Variants in PIK3C2G observed in about 807,000 individuals in gnomAD.
PIK3C2G encodes the protein phosphatidylinositol-4-phosphate 3-kinase catalytic subunit type 2 gamma, also known as phosphatidylinositol 3-kinase C2 domain-containing subunit gamma.
Under a neutral mutation model 181.1 loss-of-function variants are expected in PIK3C2G, and 168 were observed. The ratio of observed to expected loss-of-function variants is 0.93; its 90% CI spans 0.82 to 1.05. The LOEUF (loss-of-function observed/expected upper bound fraction) is 1.05. Among genes scored for constraint, PIK3C2G ranks in the 50% least tolerant of loss-of-function variants. PIK3C2G has a pLI of 0.00. For synonymous variants in PIK3C2G, 573 were observed against 592.2 expected, an observed-to-expected ratio of 0.97 and a Z score of 0.47; for missense variants, 1,869 against 1,732.8, an observed-to-expected ratio of 1.08 and a Z score of -1.40.
At chr12:18,374,265 A>T (rs963525520) in intron 13 of PIK3C2G, among the ~76,000 whole-genome samples, 2 of 152,284 alleles carry the variant, frequency 1.3e-5, no homozygotes, top group East Asian at 3.9e-4. Flanking sequence ...TGTTTTTCAT[A>T]ATTTCAAAAA....
chr12:18,669,338 C>G, the PIK3C2G span, among the ~76,000 whole-genome samples: 1 of 152,176 alleles, frequency 6.6e-6, no homozygotes, highest in Non-Finnish European at 1.5e-5. Flanking sequence ...TACTATGTAG[C>G]AGGCACCACA....
chr12:18,273,454 G>A lies in PIK3C2G; in HGVS notation c.-78-8550G>A, dbSNP rs538280237. The stretch of plus-strand genomic sequence containing the variant: ...TGGCTTAGGATTGACTTGGCAATGC[G>A]GGCTCTTTTTTGGTTCCATATGAAC... On this transcript the variant is annotated intron_variant, in intron 1 of 32. Coordinates refer to ENST00000538779, the MANE Select transcript of PIK3C2G (RefSeq NM_001288772.2). Among the ~76,000 whole-genome samples, 359 of 152,084 alleles carry A rather than the reference G, an allele frequency of 2.4e-3. 1 individual carries two copies. The highest frequency in any genetic ancestry group is 8.1e-3 in the African/African-American group (338 of 41,490).
chr12:18,619,450 G>A (rs939693076), intron 31 of PIK3C2G, among the ~76,000 whole-genome samples: 5 of 152,042 alleles, frequency 3.3e-5, no homozygotes, highest in African/African-American at 7.2e-5. Context: ...TTCTTAAGAC[G>A]GAAGCTAAGG....
chr12:18,295,304 A>G (rs1333769963), intron 5 of PIK3C2G, among the ~76,000 whole-genome samples: 2 of 151,988 alleles, frequency 1.3e-5, no homozygotes, highest in Non-Finnish European at 2.9e-5. Context: ...ACAGGAAAGC[A>G]TTTTAGTAAA....
At chr12:18,529,314 C>T (rs1326680650) in intron 24 of PIK3C2G, among the ~76,000 whole-genome samples, 1 of 152,036 alleles carries the variant, frequency 6.6e-6, no homozygotes, top group Admixed American at 6.6e-5. Context: ...AGTGAAAAGG[C>T]AGGCAGAATT....
the PIK3C2G span, among the ~76,000 whole-genome samples, chr12:18,719,064 T>C: frequency 6.6e-6 from 1 of 152,214 alleles, no homozygotes; most frequent in Non-Finnish European, 1.5e-5. Flanking sequence ...TGAGAATTAA[T>C]TTTAACCATA....
At chr12:18,681,473 C>T in the PIK3C2G span, among the ~76,000 whole-genome samples, 1 of 152,006 alleles carries the variant, frequency 6.6e-6, no homozygotes, top group Non-Finnish European at 1.5e-5. Context: ...CATTCCCAAC[C>T]TATTCTAAAT....
At position 18,282,621 on chromosome 12, in the gene PIK3C2G, A is replaced by T; in HGVS notation, c.540A>T (p.Ser180=). The T allele has an allele frequency of 6.2e-7, 1 of 1,613,378 alleles. No homozygotes were observed. Among genetic ancestry groups the T allele is most frequent in the Non-Finnish European group, 8.5e-7 (1 of 1,179,394 alleles). ...GFESSIPPTN[S]SFSSDFMPKE... is the part of the protein sequence containing the mutation. ...AAAGTAGCATTCCTCCAACAAATTC[A>T]TCCTTCTCAAGTGACTTCATGCCGA... is the stretch of plus-strand genomic sequence containing the variant. Residue 180 remains serine (S), a synonymous_variant, in exon 2 of 33, where the codon TCA becomes TCT. Transcript: ENST00000538779.
At chr12:18,307,611 C>T (rs991609728) in intron 5 of PIK3C2G, among the ~76,000 whole-genome samples, 25 of 151,866 alleles carry the variant, frequency 1.6e-4, no homozygotes, top group African/African-American at 5.8e-4. Flanking sequence ...ACACTACCCA[C>T]CTTATGGTCC....
chr12:18,251,161 A>G (rs1003363555), intron 1 of PIK3C2G, among the ~76,000 whole-genome samples: 4 of 151,990 alleles, frequency 2.6e-5, no homozygotes, highest in Non-Finnish European at 5.9e-5. Context: ...TCTGTTTTCT[A>G]TGCAAAGACA....
At position 18,459,854 on chromosome 12, in the gene PIK3C2G, C is replaced by T. The variant is rs768041400; in HGVS notation, c.2505-28595C>T. Among the ~76,000 whole-genome samples, 7 of 152,244 alleles carry T rather than the reference C, an allele frequency of 4.6e-5. No homozygotes were observed. The East Asian group carries it at 5.8e-4, about 13-fold the overall frequency. The stretch of plus-strand genomic sequence containing the variant: ...TCGGCTCACTGCAACCTCTGCCTCA[C>T]GGGGTTCAAGTGATTCTCCTGCCTC... On this transcript the variant is annotated intron_variant, in intron 18 of 32. Transcript: ENST00000538779.
intron 22 of PIK3C2G, among the ~76,000 whole-genome samples, chr12:18,501,089 G>A (rs1245259675): frequency 6.6e-6 from 1 of 151,438 alleles, no homozygotes; most frequent in East Asian, 1.9e-4. Flanking sequence ...CTCCAGACGC[G>A]CCACCTTAAG....
intron 16 of PIK3C2G, among the ~76,000 whole-genome samples, chr12:18,403,654 T>C (rs1163875215): frequency 1.3e-5 from 2 of 152,082 alleles, no homozygotes; most frequent in East Asian, 3.8e-4. Context: ...TGTCCAAAGG[T>C]TCACCATCTC....
chr12:18,320,398 G>A (rs1356952710), intron 6 of PIK3C2G, among the ~76,000 whole-genome samples: 2 of 152,172 alleles, frequency 1.3e-5, no homozygotes, highest in Non-Finnish European at 2.9e-5. Context: ...AGTAGTTCAT[G>A]CTTATGTAGG....
chr12:18,422,700 G>A (rs1466654305), intron 17 of PIK3C2G, among the ~76,000 whole-genome samples: 5 of 152,066 alleles, frequency 3.3e-5, no homozygotes, highest in African/African-American at 9.7e-5. Context: ...GCTTGGAAGC[G>A]AGGGGTAACA....
the PIK3C2G span, among the ~76,000 whole-genome samples, chr12:18,709,982 C>T: frequency 1.3e-5 from 2 of 151,710 alleles, no homozygotes. Context: ...AAAAATACTA[C>T]TGATTTAAAT....
chr12:18,489,407 A>C (rs1301184942), intron 19 of PIK3C2G, among the ~76,000 whole-genome samples: 1 of 152,096 alleles, frequency 6.6e-6, no homozygotes, highest in Non-Finnish European at 1.5e-5. Flanking sequence ...ATAATCTAAA[A>C]TCAACAAGAA....
chr12:18,394,751 T>G (rs561685431), intron 15 of PIK3C2G, among the ~76,000 whole-genome samples: 73 of 152,040 alleles, frequency 4.8e-4, no homozygotes, highest in Admixed American at 2.0e-3. Context: ...ATCCCCCATG[T>G]TGAGGTACAA....
chr12:18,512,394 C>T (rs1016559779), intron 24 of PIK3C2G, among the ~76,000 whole-genome samples: 2 of 151,852 alleles, frequency 1.3e-5, no homozygotes, highest in Non-Finnish European at 2.9e-5. Context: ...CTGTAGATTG[C>T]TTTGGGTAAT....
Sources: gnomAD v4.1 joint callset for allele counts (sites outside exome capture counted in the v4.1 genomes callset) on GRCh38, gnomAD v4.1.1 for gene constraint, MANE v1.5 for transcripts, NCBI Gene and HGNC (gene_info 2026-07-23, HGNC 2026-07-21) for gene names.